SMPD4: variants seen among roughly 807,000 people sequenced by gnomAD.
SMPD4 encodes the protein sphingomyelin phosphodiesterase 4.
Under a neutral mutation model 97.8 loss-of-function variants are expected in SMPD4, and 58 were observed. The ratio of observed to expected loss-of-function variants is 0.59; its 90% CI spans 0.48 to 0.74. The LOEUF is 0.74. SMPD4 is among the 30% of genes least tolerant of loss of function. SMPD4 has a pLI of 0.00. For synonymous variants in SMPD4, 388 were observed against 450.0 expected, an observed-to-expected ratio of 0.86 and a Z score of 1.74; for missense variants, 853 against 1,080.5, an observed-to-expected ratio of 0.79 and a Z score of 2.95.
At chr2:130,162,232 G>A (rs1335482228) in intron 10 of SMPD4, among the ~76,000 whole-genome samples, 1 of 152,244 alleles carries the variant, frequency 6.6e-6, no homozygotes, top group East Asian at 1.9e-4. Context: ...CTCCTAGCCA[G>A]GACCCTCCGA....
Position 130,154,402 on chromosome 2 carries a change from T to C in SMPD4, c.1534A>G (p.Ser512Gly). 6.2e-7 allele frequency: 1 copy of C among 1,602,062 alleles called. No homozygotes were observed. The highest frequency in any genetic ancestry group is 8.5e-7 in the Non-Finnish European group (1 of 1,174,082). The change falls in exon 16 of 20, where the codon AGC becomes GGC. Residue 512 changes from serine (S) to glycine (G), a missense_variant. Ser to Gly is a moderately conservative substitution (Grantham distance 56). Coordinates refer to ENST00000680298, the MANE Select transcript of SMPD4 (RefSeq NM_017951.5). ...GCTGGTGGCCAGGGTGACAGGAAGC[T>C]CCCAGTGAATGTGGGGGCCGTGAAG... ...RLFTAPTFTGSFLSPWPPAVT... is the reference protein window; with the variant it reads ...RLFTAPTFTGGFLSPWPPAVT...
At chr2:130,179,012 TGGAG>T (rs1689235392) in intron 1 of SMPD4, among the ~76,000 whole-genome samples, 1 of 151,332 alleles carries the variant, frequency 6.6e-6, no homozygotes, top group African/African-American at 2.4e-5. Flanking sequence ...TGGCAGTCTG[TGGAG>T]GAAGAGAGGC....
At chr2:130,181,485 C>G (rs562293374) in intron 1 of SMPD4, 45 bp downstream of exon 1, 12 of 1,565,966 alleles carry the variant, frequency 7.7e-6, no homozygotes, top group East Asian at 7.1e-5. Flanking sequence ...CGGGGAAGCC[C>G]CCAGGGCGCC....
At chr2:130,154,949 G>A (rs975423897) in intron 15 of SMPD4, 147 bp downstream of exon 15, 70 of 1,050,166 alleles carry the variant, frequency 6.7e-5, no homozygotes, top group Non-Finnish European at 8.6e-5. Flanking sequence ...CCACACAGAC[G>A]TGTCCCAGGA....
chr2:130,171,831 G>A (rs1688491903), intron 8 of SMPD4, among the ~76,000 whole-genome samples: 1 of 152,188 alleles, frequency 6.6e-6, no homozygotes, highest in Non-Finnish European at 1.5e-5. Context: ...TGGGAAGTCG[G>A]CCTGCGTTAG....
chr2:130,153,540 G>C, intron 17 of SMPD4, 90 bp from the exon 18 acceptor site: 1 of 1,588,734 alleles, frequency 6.3e-7, no homozygotes, highest in Non-Finnish European at 8.6e-7. Flanking sequence ...TGGCAACAAG[G>C]GGACCCAGCT....
At chr2:130,170,376 A>G (rs987893379) in intron 8 of SMPD4, among the ~76,000 whole-genome samples, 7 of 149,788 alleles carry the variant, frequency 4.7e-5, no homozygotes, top group Admixed American at 4.1e-4. Flanking sequence ...AGTCCCAGCT[A>G]CTTGGGACTG....
chr2:130,154,011 C>G, intron 16 of SMPD4, 76 bp from the exon 17 acceptor site: 3 of 1,422,116 alleles, frequency 2.1e-6, no homozygotes, highest in Non-Finnish European at 9.7e-7. Flanking sequence ...GAGCAATGCA[C>G]AGCCAGACTG....
Position 130,178,854 on chromosome 2 carries a change from A to C in SMPD4, c.-45-2217T>G, listed in dbSNP as rs569971163. On this transcript the variant is annotated intron_variant, in intron 1 of 19. Coordinates refer to ENST00000680298, the MANE Select transcript of SMPD4 (RefSeq NM_017951.5). The stretch of plus-strand genomic sequence containing the variant: ...ACTAAGATCAGCTTTCCAGAATCCT[A>C]CCTCTCAGCTCACCCAGGTCAGAAA... Among the ~76,000 whole-genome samples the C allele has an allele frequency of 1.6e-4, 24 of 152,098 alleles. No homozygotes were observed. In the South Asian group the frequency reaches 1.9e-3, roughly 12 times the overall value.
At chr2:130,181,102 C>T (rs1466870821) in intron 1 of SMPD4, among the ~76,000 whole-genome samples, 1 of 152,216 alleles carries the variant, frequency 6.6e-6, no homozygotes, top group African/African-American at 2.4e-5. Flanking sequence ...GTTCCCAACT[C>T]TCCTGCCAAT....
intron 9 of SMPD4, among the ~76,000 whole-genome samples, chr2:130,165,915 G>A (rs1425335351): frequency 6.6e-6 from 1 of 152,140 alleles, no homozygotes; most frequent in Admixed American, 6.5e-5. Context: ...TCTGGAGATT[G>A]CATGCACAAC....
intron 1 of SMPD4, among the ~76,000 whole-genome samples, chr2:130,178,107 TAG>T (rs1397716055): frequency 6.6e-6 from 1 of 152,166 alleles, no homozygotes; most frequent in Non-Finnish European, 1.5e-5. Flanking sequence ...GCTTCTTCCC[TAG>T]AGTCTCCAGA....
chr2:130,162,712 G>A (rs554174151), intron 10 of SMPD4, among the ~76,000 whole-genome samples: 2 of 152,228 alleles, frequency 1.3e-5, no homozygotes, highest in Non-Finnish European at 2.9e-5. Flanking sequence ...ATGGCAGTAC[G>A]TGTAGCACAG....
intron 8 of SMPD4, among the ~76,000 whole-genome samples, chr2:130,171,829 C>T (rs1471166575): frequency 3.9e-5 from 6 of 152,164 alleles, no homozygotes; most frequent in East Asian, 3.9e-4. Context: ...CCTGGGAAGT[C>T]GGCCTGCGTT....
chr2:130,159,357 G>A (rs1687165973), intron 11 of SMPD4, among the ~76,000 whole-genome samples: 1 of 152,124 alleles, frequency 6.6e-6, no homozygotes, highest in African/African-American at 2.4e-5. Context: ...TGGAAGAAAG[G>A]GCCAGGTGCG....
At chr2:130,178,811 G>GA (rs1236660164) in intron 1 of SMPD4, among the ~76,000 whole-genome samples, 122 of 143,432 alleles carry the variant, frequency 8.5e-4, no homozygotes, top group Non-Finnish European at 1.6e-3. Flanking sequence ...AAAAAAAAAA[G>GA]AAAAAAAAAG....
At chr2:130,177,154 C>T (rs1276554032) in intron 1 of SMPD4, among the ~76,000 whole-genome samples, 1 of 152,232 alleles carries the variant, frequency 6.6e-6, no homozygotes, top group Non-Finnish European at 1.5e-5. Flanking sequence ...GATCATAGCT[C>T]ATTGCAACCT....
At chr2:130,178,871 G>A (rs553550815) in intron 1 of SMPD4, among the ~76,000 whole-genome samples, 2 of 152,082 alleles carry the variant, frequency 1.3e-5, no homozygotes, top group East Asian at 3.9e-4. Flanking sequence ...AGCTCACCCA[G>A]GTCAGAAATG....
intron 17 of SMPD4, 108 bp downstream of exon 17, chr2:130,153,594 A>G (rs999648381): frequency 1.7e-5 from 26 of 1,555,426 alleles, no homozygotes; most frequent in Middle Eastern, 2.0e-4. Context: ...CACTGGGTCC[A>G]TATGTGTGGG....
Sources: allele counts gnomAD v4.1 joint callset (sites outside exome capture counted in the v4.1 genomes callset), GRCh38; gene constraint gnomAD v4.1.1; transcripts MANE v1.5; gene names NCBI Gene and HGNC (gene_info 2026-07-23, HGNC 2026-07-21).